The following TBC1D16 variants were observed in gnomAD, a reference collection of about 807,000 sequenced individuals.
TBC1D16 encodes TBC1 domain family member 16.
A neutral mutation model predicts 74.7 loss-of-function variants in TBC1D16; 58 were observed. That is an observed-to-expected ratio of 0.78 (90% CI 0.63 to 0.97). The LOEUF is 0.97. TBC1D16 is among the 50% of genes least tolerant of loss of function. TBC1D16 has a pLI of 0.00. For synonymous variants in TBC1D16, 493 were observed against 474.7 expected (o/e 1.04, Z -0.50); for missense variants, 1,014 against 1,079.5 (o/e 0.94, Z 0.85).
chr17:80,016,869 T>A (rs570896484), intron 1 of TBC1D16, among the ~76,000 whole-genome samples: 4 of 152,108 alleles, frequency 2.6e-5, no homozygotes, highest in African/African-American at 9.6e-5. Context: ...AGCCCAGGAG[T>A]GGCCTTCCCA....
chr17:80,017,023 C>T (rs908888982), intron 1 of TBC1D16, among the ~76,000 whole-genome samples: 6 of 152,158 alleles, frequency 3.9e-5, no homozygotes, highest in Non-Finnish European at 5.9e-5. Flanking sequence ...GAGCCACAGA[C>T]GCCCTCTGCC....
Position 80,025,967 on chromosome 17 carries a change from G to C in TBC1D16, c.-63+9828C>G, listed in dbSNP as rs989924200. 5.3e-5 allele frequency: 8 copies of C among 149,850 alleles called. 2 individuals carry two copies. Among genetic ancestry groups the C allele is most frequent in the African/African-American group, 2.0e-4 (8 of 39,240 alleles). The allele number at this position is 149,850 out of a possible 1,614,324, so 9.3% of individuals were successfully genotyped here. On this transcript the variant is annotated intron_variant, in intron 1 of 11. Transcript: ENST00000310924. ...CTCATTTTTCTGTAAACCTAAAACT[G>C]CTCTAAACAATGAAGTCCGCCACGC...
chr17:79,991,665 G>T (rs908243695), intron 3 of TBC1D16, among the ~76,000 whole-genome samples: 5 of 149,066 alleles, frequency 3.4e-5, no homozygotes, highest in Non-Finnish European at 6.0e-5. Context: ...GGGGAGGCGC[G>T]CAGGCAGTGC....
At chr17:79,945,167 C>G in intron 9 of TBC1D16, 80 bp from the exon 10 acceptor site, 1 of 1,442,718 alleles carries the variant, frequency 6.9e-7, no homozygotes, top group Non-Finnish European at 9.2e-7. Context: ...CCACTGGGGC[C>G]CTTCCCTGGG....
chr17:80,030,582 G>C (rs72848465), intron 1 of TBC1D16, among the ~76,000 whole-genome samples: 10,284 of 152,298 alleles, frequency 0.068, 470 homozygotes, highest in Non-Finnish European at 0.1. Context: ...CACTAGGAGA[G>C]AGGTATCACC....
rs1347446428 is a variant in TBC1D16, at chr17:79,951,492, G to C, written c.1047C>G (p.Phe349Leu). ...TCTCGGTGCAGTATTTCCACTGCTG[G>C]AACACGTCAGACAGCTTGTCCAGGC... is the stretch of plus-strand genomic sequence containing the variant. ...HGGLDKLSDV[F>L]QQWKYCTEMQ... Residue 349 changes from phenylalanine to leucine, a missense_variant, in exon 5 of 12, where the codon TTC becomes TTG. By Grantham distance (22) the Phe-to-Leu change is conservative. Transcript: ENST00000310924. 3 of 1,613,890 alleles carry C rather than the reference G, an allele frequency of 1.9e-6. No homozygotes were observed. The African/African-American group carries it at 4.0e-5, about 22-fold the overall frequency.
chr17:79,973,562 T>A (rs561578176), intron 3 of TBC1D16, among the ~76,000 whole-genome samples: 1,814 of 151,900 alleles, frequency 0.012, 20 homozygotes, highest in Non-Finnish European at 0.019. Flanking sequence ...ACAAAAAAAA[T>A]AGCCAGGTGT....
At chr17:80,004,560 T>C (rs184112134) in intron 3 of TBC1D16, among the ~76,000 whole-genome samples, 6 of 152,332 alleles carry the variant, frequency 3.9e-5, no homozygotes, top group Admixed American at 2.0e-4. Context: ...AGAGGGACCT[T>C]AGAGGGACCT....
At chr17:80,017,861 G>A in intron 1 of TBC1D16, among the ~76,000 whole-genome samples, 1 of 151,982 alleles carries the variant, frequency 6.6e-6, no homozygotes, top group East Asian at 1.9e-4. Context: ...ACCTCTCCAG[G>A]AAGCCTTCTG....
At chr17:79,974,609 G>T (rs1463602744) in intron 3 of TBC1D16, among the ~76,000 whole-genome samples, 1 of 152,154 alleles carries the variant, frequency 6.6e-6, no homozygotes, top group Non-Finnish European at 1.5e-5. Flanking sequence ...GCAGTGAGGG[G>T]GGACTATATG....
intron 3 of TBC1D16, among the ~76,000 whole-genome samples, chr17:79,958,787 C>T (rs188669272): frequency 4.5e-4 from 68 of 152,340 alleles, no homozygotes; most frequent in African/African-American, 1.5e-3. Flanking sequence ...CCGTTAGCGT[C>T]ATACTGAATG....
At chr17:79,974,938 C>T (rs959899196) in intron 3 of TBC1D16, among the ~76,000 whole-genome samples, 8 of 152,170 alleles carry the variant, frequency 5.3e-5, no homozygotes, top group African/African-American at 1.9e-4. Context: ...CCTCCCTGTC[C>T]GATTCCTGAT....
At position 80,035,852 on chromosome 17, in the gene TBC1D16, T is replaced by TCCGCCGCTG. The variant is rs2036989307; in HGVS notation, c.-129_-121dup. ...GGCTCCGAGAGCCGCCACCGTCGCC[T>TCCGCCGCTG]CCGCCGCTGCCGCCGCCAGTGAGGC... On this transcript the variant is annotated 5_prime_UTR_variant, in exon 1 of 12. Coordinates refer to ENST00000310924, the MANE Select transcript of TBC1D16 (RefSeq NM_019020.4). This position sits in a 1 kb window ranked among gnomAD's most constrained non-coding sequence, Gnocchi z 5.3. 2 of 145,558 alleles carry TCCGCCGCTG rather than the reference T, an allele frequency of 1.4e-5. No homozygotes were observed. The highest frequency in any genetic ancestry group is 1.4e-4 in the Admixed American group (2 of 14,714). The allele number at this position is 145,558 out of a possible 1,614,324, so 9.0% of individuals were successfully genotyped here.
At chr17:80,023,822 T>C (rs536596539) in intron 1 of TBC1D16, 11 of 150,156 alleles carry the variant, frequency 7.3e-5, no homozygotes, top group Middle Eastern at 3.4e-3. Flanking sequence ...CCTCCAGCCC[T>C]GGTGTGAATT....
intron 3 of TBC1D16, among the ~76,000 whole-genome samples, chr17:79,970,058 A>G (rs926610230): frequency 6.6e-6 from 1 of 152,236 alleles, no homozygotes; most frequent in East Asian, 1.9e-4. Context: ...TGATGACCAG[A>G]TAAGGAAATC....
intron 3 of TBC1D16, among the ~76,000 whole-genome samples, chr17:79,969,486 G>A (rs2033987059): frequency 1.3e-5 from 2 of 152,346 alleles, no homozygotes; most frequent in South Asian, 4.1e-4. Flanking sequence ...AATAATAAGT[G>A]TTGGTGAGGA....
intron 10 of TBC1D16, among the ~76,000 whole-genome samples, chr17:79,942,935 G>A (rs926104040): frequency 1.3e-5 from 2 of 152,244 alleles, no homozygotes; most frequent in Non-Finnish European, 2.9e-5. Flanking sequence ...GGAAGCCCAC[G>A]CCAGGTCCTG....
At position 79,975,333 on chromosome 17, in the gene TBC1D16, GGCC is replaced by G. The variant is rs1325853337; in HGVS notation, c.780-22518_780-22516del. Among the ~76,000 whole-genome samples the G allele has an allele frequency of 6.6e-6, 1 of 152,208 alleles. No individual in the cohort carries two copies. The highest frequency in any genetic ancestry group is 1.5e-5 in the Non-Finnish European group (1 of 68,042). ...CCCAGCTTTGTACAGCCTGAGCTCTGGCCGACTGGAATTTCTGCCAGGTCCTAT... is the reference window on the plus strand; with the variant it reads ...CCCAGCTTTGTACAGCCTGAGCTCTGGACTGGAATTTCTGCCAGGTCCTAT... On this transcript the variant is annotated intron_variant, in intron 3 of 11. Transcript: ENST00000310924. This position sits in a 1 kb window ranked among gnomAD's most constrained non-coding sequence, Gnocchi z 4.5.
chr17:80,032,298 A>G (rs1252730039), intron 1 of TBC1D16, among the ~76,000 whole-genome samples: 2 of 152,204 alleles, frequency 1.3e-5, no homozygotes, highest in African/African-American at 4.8e-5. Context: ...ACGCCTGCAC[A>G]GACTCACCGC....
Sources: gnomAD v4.1 joint callset for allele counts (sites outside exome capture counted in the v4.1 genomes callset) on GRCh38, gnomAD v4.1.1 for gene constraint, Gnocchi (gnomAD v3.1) non-coding constraint, MANE v1.5 for transcripts, NCBI Gene and HGNC (gene_info 2026-07-23, HGNC 2026-07-21) for gene names.